BAZ2B: variants seen among roughly 807,000 people sequenced by gnomAD.
BAZ2B encodes bromodomain adjacent to zinc finger domain protein 2B.
In BAZ2B, 91 loss-of-function variants were observed where a neutral mutation model predicts 246.0. The observed-to-expected ratio is 0.37, with a 90% confidence interval of 0.31 to 0.44. The LOEUF (loss-of-function observed/expected upper bound fraction) is 0.44. BAZ2B is among the 20% of genes least tolerant of loss of function. The pLI is 1.00. For synonymous variants in BAZ2B, 855 were observed against 860.0 expected (o/e 0.99, Z 0.10); for missense variants, 2,332 against 2,533.7 (o/e 0.92, Z 1.71).
chr2:159,385,228 G>A lies in BAZ2B; in HGVS notation c.3613C>T (p.His1205Tyr). The change falls in exon 23 of 37, where the codon CAC (histidine) becomes TAC (tyrosine). Residue 1205 changes from histidine (H) to tyrosine (Y), a missense_variant. Around this residue, in one of 9 missense-constraint regions of BAZ2B, gnomAD observed 328 missense variants for 410.4 expected, o/e 0.80. Coordinates refer to ENST00000392783, the MANE Select transcript of BAZ2B (RefSeq NM_013450.4). ...ESLKTKAFQA[H>Y]TPAQKASVLA... ...ACTGAAGCTTTCTGTGCTGGAGTGT[G>A]AGCCTGAAAAGCTTTGGTCTTCAGA... 4 of 1,613,632 alleles carry A rather than the reference G, an allele frequency of 2.5e-6. No individual in the cohort carries two copies. The highest frequency in any genetic ancestry group is 3.4e-6 in the Non-Finnish European group (4 of 1,179,694).
chr2:159,643,150 T>C, the BAZ2B span, among the ~76,000 whole-genome samples: 1 of 152,218 alleles, frequency 6.6e-6, no homozygotes, highest in Non-Finnish European at 1.5e-5. Context: ...TTCACTTTCA[T>C]CTTTGTGAGT....
intron 2 of BAZ2B, among the ~76,000 whole-genome samples, chr2:159,528,681 CAA>C (rs34432207): frequency 3.7e-4 from 34 of 92,308 alleles, no homozygotes; most frequent in Admixed American, 9.2e-4. Flanking sequence ...AACTCTGTCT[CAA>C]AAAAAAAAAA....
chr2:159,633,223 T>C, the BAZ2B span, among the ~76,000 whole-genome samples: 1 of 151,486 alleles, frequency 6.6e-6, no homozygotes, highest in Non-Finnish European at 1.5e-5. Flanking sequence ...CCAGCACACC[T>C]CTGTTGAGGC....
intron 3 of BAZ2B, 108 bp from the exon 4 acceptor site, chr2:159,453,909 T>C (rs1394337169): frequency 4.0e-6 from 4 of 1,009,910 alleles, no homozygotes; most frequent in Non-Finnish European, 3.9e-6. Context: ...TATTACATTT[T>C]TATTTTACCC....
intron 6 of BAZ2B, 75 bp from the exon 7 acceptor site, chr2:159,439,287 T>G: frequency 8.0e-7 from 1 of 1,245,980 alleles, no homozygotes; most frequent in Non-Finnish European, 1.1e-6. Context: ...GTGTACTCTT[T>G]TTAATTTTCA....
chr2:159,600,730 A>G (rs1024119970), intron 1 of BAZ2B, among the ~76,000 whole-genome samples: 2 of 152,180 alleles, frequency 1.3e-5, no homozygotes, highest in African/African-American at 4.8e-5. Flanking sequence ...GTCCTAACCC[A>G]TAACTTTCAT....
chr2:159,498,394 T>C (rs1424754324), intron 2 of BAZ2B, among the ~76,000 whole-genome samples: 1 of 152,188 alleles, frequency 6.6e-6, no homozygotes, highest in Non-Finnish European at 1.5e-5. Flanking sequence ...TAAAGAGGTG[T>C]TCAAGAGTAT....
intron 14 of BAZ2B, among the ~76,000 whole-genome samples, chr2:159,407,533 CA>C (rs2066150572): frequency 6.6e-6 from 1 of 152,134 alleles, no homozygotes; most frequent in South Asian, 2.1e-4. Context: ...AATCTTTAAG[CA>C]AAGTTTAAAT....
chr2:159,456,888 G>A lies in BAZ2B; in HGVS notation c.146-3087C>T, dbSNP rs144588296. Among the ~76,000 whole-genome samples the A allele has an allele frequency of 9.1e-3, 1,389 of 152,160 alleles. 13 individuals carry two copies. Among genetic ancestry groups the A allele is most frequent in the Non-Finnish European group, 0.013 (905 of 67,982 alleles). On this transcript the variant is annotated intron_variant, in intron 3 of 36. Coordinates refer to ENST00000392783, the MANE Select transcript of BAZ2B (RefSeq NM_013450.4). ...ACGTGAAAGACTTCCTGTTTCATGC[G>A]GGAAAGGTTATACTAGAGAAGGGAA...
chr2:159,434,435 A>C (rs563499365), intron 8 of BAZ2B: 39 of 152,626 alleles, frequency 2.6e-4, no homozygotes, highest in African/African-American at 9.4e-4. Flanking sequence ...CTGGGATTAC[A>C]GGCGTGAGCC....
At chr2:159,332,364 G>C (rs78704456) in intron 34 of BAZ2B, among the ~76,000 whole-genome samples, 176 bp downstream of exon 34, 5,591 of 151,836 alleles carry the variant, frequency 0.037, 131 homozygotes, top group Non-Finnish European at 0.052. Flanking sequence ...GTGCACACCT[G>C]TAGTCTCAGC....
chr2:159,350,482 C>G (rs189091593), intron 27 of BAZ2B, 125 bp from the exon 28 acceptor site: 79 of 848,120 alleles, frequency 9.3e-5, no homozygotes, highest in South Asian at 5.0e-4. Context: ...TTACCTAATA[C>G]TCCCTATATT....
the BAZ2B span, among the ~76,000 whole-genome samples, chr2:159,701,984 T>C: frequency 6.6e-6 from 1 of 152,142 alleles, no homozygotes; most frequent in Non-Finnish European, 1.5e-5. Context: ...CGTCTCAGCC[T>C]CCCAAAGTGC....
At chr2:159,633,738 CT>C in the BAZ2B span, among the ~76,000 whole-genome samples, 44,187 of 119,974 alleles carry the variant, frequency 0.37, 9,258 homozygotes, top group Middle Eastern at 0.55. Flanking sequence ...TCACTTTATT[CT>C]TTTTTTTTTT....
In BAZ2B at chr2:159,448,242, CT is replaced by C; in HGVS notation, c.501del (p.Gly168ValfsTer2). 6.2e-7 allele frequency: 1 copy of C among 1,610,132 alleles called. No individual in the cohort carries two copies. The highest frequency in any genetic ancestry group is 1.7e-5 in the Admixed American group (1 of 58,954). ...SGKSNRNGPE[K>X]GVNGSINGSN... ...ACTTCACTTATGTAAATGTGGATAC[CT>C]TTTTCGGGACCATTTCGATTACTTT... On this transcript the variant is annotated frameshift_variant and splice_region_variant, in exon 5 of 37. Transcript: ENST00000392783. LOFTEE classifies it high-confidence loss of function.
intron 2 of BAZ2B, among the ~76,000 whole-genome samples, chr2:159,481,651 C>A (rs1054508770): frequency 6.6e-6 from 1 of 151,854 alleles, no homozygotes; most frequent in Admixed American, 6.6e-5. Context: ...CCAGAAGAGT[C>A]CATCACTTCT....
intron 1 of BAZ2B, among the ~76,000 whole-genome samples, chr2:159,585,411 C>T (rs1415183828): frequency 6.6e-6 from 1 of 152,106 alleles, no homozygotes; most frequent in Non-Finnish European, 1.5e-5. Flanking sequence ...TATTGTCTGG[C>T]CCTCAACAGA....
chr2:159,705,281 C>T, the BAZ2B span, among the ~76,000 whole-genome samples: 9 of 152,048 alleles, frequency 5.9e-5, no homozygotes, highest in African/African-American at 2.2e-4. Flanking sequence ...CTCAGCCTCT[C>T]AAAGTGCTGG....
chr2:159,450,172 A>T (rs1008325416), intron 4 of BAZ2B, among the ~76,000 whole-genome samples: 1 of 152,188 alleles, frequency 6.6e-6, no homozygotes, highest in African/African-American at 2.4e-5. Context: ...GACATAATCA[A>T]ACTCAGAAAA....
Sources: allele counts gnomAD v4.1 joint callset (sites outside exome capture counted in the v4.1 genomes callset), GRCh38; gene constraint gnomAD v4.1.1; regional missense constraint gnomAD v4.1.1; transcripts MANE v1.5; gene names NCBI Gene and HGNC (gene_info 2026-07-23, HGNC 2026-07-21).